The following CYP4F22 variants were observed in gnomAD, a reference collection of about 807,000 sequenced individuals.
CYP4F22 encodes cytochrome P450 family 4 subfamily F member 22, also known as ultra-long-chain fatty acid omega-hydroxylase.
CYP4F22 carries 37 observed loss-of-function variants against 60.4 expected under a neutral mutation model. The observed-to-expected ratio is 0.61, with a 90% CI of 0.47 to 0.81. The LOEUF (loss-of-function observed/expected upper bound fraction) is 0.81, where lower values mean the gene tolerates loss of function less well. Ranked by LOEUF, CYP4F22 falls within the 30% of genes least tolerant of loss-of-function variation. The pLI is 0.00. For synonymous variants in CYP4F22, 258 were observed against 280.5 expected (o/e 0.92, Z 0.80); for missense variants, 655 against 715.0 (o/e 0.92, Z 0.96).
Position 15,551,162 on chromosome 19 carries a change from C to T in CYP4F22, c.1419-132C>T, listed in dbSNP as rs527315524. 15 of 1,199,572 alleles carry T rather than the reference C, an allele frequency of 1.3e-5. No individual in the cohort carries two copies. In the Admixed American group the frequency reaches 1.8e-4, roughly 14 times the overall value. 74.3% of individuals were successfully genotyped at this position (1,199,572 alleles called of 1,614,324 possible). On this transcript the variant is annotated intron_variant, in intron 13 of 13. Transcript: ENST00000269703. ...CCGTGGGGTCTCACTTTAACCCTCA[C>T]CCAGCGTGGGGTTTCACTTTAACCC...
rs1971553503 is a variant in CYP4F22 at position 15,548,108 on chromosome 19, G to C, written c.1137G>C (p.Trp379Cys). ...MKGRELEELE[W>C]DDLTQLPFTT... ...CTAGTTATATCTCCATTCTCCCCAG[G>C]GACGATCTGACTCAGCTGCCCTTTA... Residue 379 changes from tryptophan to cysteine, a missense_variant and splice_region_variant, in exon 11 of 14, where the codon TGG becomes TGC. Transcript: ENST00000269703. The C allele has an allele frequency of 6.2e-7, 1 of 1,603,788 alleles. No homozygotes were observed. The highest frequency in any genetic ancestry group is 1.4e-5 in the African/African-American group (1 of 73,870).
chr19:15,511,872 C>T (rs114548901), intron 1 of CYP4F22, among the ~76,000 whole-genome samples: 365 of 152,372 alleles, frequency 2.4e-3, no homozygotes, highest in African/African-American at 8.3e-3. Context: ...GACAAACCAG[C>T]GCGACCTGGG....
chr19:15,544,947 C>T (rs527638694), intron 10 of CYP4F22, among the ~76,000 whole-genome samples: 1 of 152,010 alleles, frequency 6.6e-6, no homozygotes. Flanking sequence ...TGTAATCCCC[C>T]CTACTCGGGA....
At chr19:15,528,823 C>A (rs1971310479) in intron 3 of CYP4F22, among the ~76,000 whole-genome samples, 1 of 152,164 alleles carries the variant, frequency 6.6e-6, no homozygotes, top group African/African-American at 2.4e-5. Context: ...ACCACAGTGA[C>A]CAACACAGTG....
rs1217520219 is a variant in CYP4F22, at chr19:15,540,653, A to C, written c.875A>C (p.Glu292Ala). 2 of 1,613,872 alleles carry C rather than the reference A, an allele frequency of 1.2e-6. No individual in the cohort carries two copies. Among genetic ancestry groups the C allele is most frequent in the South Asian group, 1.1e-5 (1 of 91,048 alleles). The change falls in exon 8 of 14, where the codon GAG (glutamate) becomes GCG (alanine). Residue 292 changes from glutamate (E) to alanine (A), a missense_variant. This residue lies in a region of CYP4F22 where 430 missense variants were observed against 457.1 expected (regional missense o/e 0.94). Coordinates refer to ENST00000269703, the MANE Select transcript of CYP4F22 (RefSeq NM_173483.4). ...RRRALRQQGA[E>A]AWLKAKQGKT... The stretch of plus-strand genomic sequence containing the variant: ...CGGGCACTGCGTCAGCAGGGGGCCG[A>C]GGCCTGGCTTAAGGCCAAGCAGGGG...
At chr19:15,518,569 A>T (rs1971182309) in intron 1 of CYP4F22, among the ~76,000 whole-genome samples, 1 of 149,728 alleles carries the variant, frequency 6.7e-6, no homozygotes, top group Non-Finnish European at 1.5e-5. Context: ...GAATAGTGTG[A>T]ACCCGGGGAG....
chr19:15,520,501 A>G (rs1232234993), intron 1 of CYP4F22, among the ~76,000 whole-genome samples: 1 of 151,920 alleles, frequency 6.6e-6, no homozygotes, highest in Non-Finnish European at 1.5e-5. Flanking sequence ...TCCAGCGTAA[A>G]CAATGAATGG....
chr19:15,518,540 T>C lies in CYP4F22; in HGVS notation c.-108-5153T>C, dbSNP rs371091037. 1.0e-4 allele frequency among the ~76,000 whole-genome samples: 15 copies of C among 145,240 alleles called. No homozygotes were observed. In the East Asian group the frequency reaches 1.2e-3, roughly 12 times the overall value. On this transcript the variant is annotated intron_variant, in intron 1 of 13. Coordinates refer to ENST00000269703, the MANE Select transcript of CYP4F22 (RefSeq NM_173483.4). ...GGCAGGCGCCTGTAATCCCAGCTAC[T>C]CAGGAGGCTGAGGCAGGAGAATAGT...
rs1444179313 is a variant in CYP4F22, at chr19:15,540,479, T to C, written c.701T>C (p.Ile234Thr). The change falls in exon 8 of 14, where the codon ATT (isoleucine) becomes ACT (threonine). Residue 234 changes from isoleucine (I) to threonine (T), a missense_variant. Coordinates refer to ENST00000269703, the MANE Select transcript of CYP4F22 (RefSeq NM_173483.4). ...EKMSDYISAI[I>T]ELSALSVRRQ... Reference sequence around the variant, plus strand: ...ATGAGTGATTATATCTCCGCTATCATTGAACTGAGCGCTCTGTCTGTCCGG... The same window carrying C: ...ATGAGTGATTATATCTCCGCTATCACTGAACTGAGCGCTCTGTCTGTCCGG... The C allele has an allele frequency of 1.2e-6, 2 of 1,614,104 alleles. No individual in the cohort carries two copies. The highest frequency in any genetic ancestry group is 3.3e-5 in the Admixed American group (2 of 59,992).
chr19:15,546,477 G>T (rs1052618765), intron 10 of CYP4F22, among the ~76,000 whole-genome samples: 1 of 152,128 alleles, frequency 6.6e-6, no homozygotes, highest in Admixed American at 6.5e-5. Context: ...CCAGCTGCTT[G>T]AGAAGCTGAG....
chr19:15,535,598 C>T (rs1971386191), intron 4 of CYP4F22, among the ~76,000 whole-genome samples: 1 of 151,990 alleles, frequency 6.6e-6, no homozygotes, highest in Admixed American at 6.6e-5. Context: ...ATCCACCTTC[C>T]ACCTATCCAC....
intron 1 of CYP4F22, among the ~76,000 whole-genome samples, chr19:15,517,453 A>G (rs1027842294): frequency 6.6e-6 from 1 of 152,130 alleles, no homozygotes; most frequent in Non-Finnish European, 1.5e-5. Context: ...GGTGAAGCGG[A>G]CACAGGGCTC....
chr19:15,539,757 A>G (rs1309263360), intron 7 of CYP4F22, among the ~76,000 whole-genome samples: 1 of 152,020 alleles, frequency 6.6e-6, no homozygotes, highest in African/African-American at 2.4e-5. Context: ...CTTTTTAGAG[A>G]TAGGATATTG....
intron 10 of CYP4F22, 33 bp downstream of exon 10, chr19:15,544,312 G>C: frequency 2.5e-6 from 4 of 1,605,310 alleles, no homozygotes; most frequent in Non-Finnish European, 2.6e-6. Flanking sequence ...GGAGGGGGCA[G>C]GTTGAGGCCA....
At chr19:15,534,105 A>G (rs541245366) in intron 4 of CYP4F22, among the ~76,000 whole-genome samples, 24 of 152,342 alleles carry the variant, frequency 1.6e-4, no homozygotes, top group African/African-American at 5.1e-4. Flanking sequence ...CTTGATGCCA[A>G]TAAATAATCA....
At chr19:15,540,247 A>G (rs1971441885) in intron 7 of CYP4F22, among the ~76,000 whole-genome samples, 1 of 152,168 alleles carries the variant, frequency 6.6e-6, no homozygotes, top group Non-Finnish European at 1.5e-5. Context: ...GCAGTGAGCT[A>G]TGATTGTGCC....
At chr19:15,513,393 C>T (rs1386540964) in intron 1 of CYP4F22, among the ~76,000 whole-genome samples, 13 of 132,266 alleles carry the variant, frequency 9.8e-5, no homozygotes, top group African/African-American at 2.9e-4. Flanking sequence ...GAGACAGAGT[C>T]TCACTCTGTC....
intron 6 of CYP4F22, 32 bp downstream of exon 6, chr19:15,537,694 T>A: frequency 6.2e-7 from 1 of 1,608,896 alleles, no homozygotes; most frequent in East Asian, 2.2e-5. Context: ...GAAGAGGGTG[T>A]CTTGGGAGTG....
chr19:15,547,022 T>TTTTTTTTG (rs1971534659), intron 10 of CYP4F22, among the ~76,000 whole-genome samples: 1 of 138,396 alleles, frequency 7.2e-6, no homozygotes, highest in East Asian at 2.3e-4. Flanking sequence ...GCACCAGTTT[T>TTTTTTTTG]TTTTTTTTTT....
Sources: gnomAD v4.1 joint callset for allele counts (sites outside exome capture counted in the v4.1 genomes callset) on GRCh38, gnomAD v4.1.1 for gene constraint, gnomAD v4.1.1 regional missense constraint, MANE v1.5 for transcripts, NCBI Gene and HGNC (gene_info 2026-07-23, HGNC 2026-07-21) for gene names.